MASTL: variants seen among roughly 807,000 people sequenced by gnomAD.
MASTL encodes microtubule associated serine/threonine kinase like.
MASTL carries 54 observed loss-of-function variants against 82.5 expected under a neutral mutation model. The ratio of observed to expected loss-of-function variants is 0.65; its 90% confidence interval spans 0.53 to 0.82. The LOEUF is 0.82. Ranked by LOEUF, MASTL falls within the 40% of genes least tolerant of loss-of-function variation. The probability of loss-of-function intolerance (pLI) is 0.00; values close to 1 mark genes in which losing one functional copy is unlikely to be tolerated. For missense variants in MASTL, 950 were observed against 1,047.8 expected (o/e 0.91, Z 1.29); for synonymous variants, 323 against 368.9 (o/e 0.88, Z 1.43).
chr10:27,158,906 A>G (rs1048910619), intron 2 of MASTL, among the ~76,000 whole-genome samples: 1 of 152,242 alleles, frequency 6.6e-6, no homozygotes, highest in Non-Finnish European at 1.5e-5. Flanking sequence ...GTATATGTAC[A>G]TAGAGAGACA....
rs2057574795 is a variant in MASTL at position 27,161,555 on chromosome 10, A to G, written c.553+373A>G. On this transcript the variant is annotated intron_variant, in intron 4 of 11. Transcript: ENST00000375940. Reference sequence around the variant, plus strand: ...AAAATAAATATAAAAAATTAAAAAAAATGAAAAGTCTAACAAATTATAGAG... The same window carrying G: ...AAAATAAATATAAAAAATTAAAAAAGATGAAAAGTCTAACAAATTATAGAG... Among the ~76,000 whole-genome samples the G allele has an allele frequency of 2.0e-5, 3 of 152,190 alleles. No individual in the cohort carries two copies. In the South Asian group the frequency reaches 6.2e-4, roughly 32 times the overall value.
At chr10:27,183,787 G>A (rs929158789) in intron 11 of MASTL, among the ~76,000 whole-genome samples, 8 of 151,744 alleles carry the variant, frequency 5.3e-5, no homozygotes, top group East Asian at 1.9e-4. Context: ...GCACAATCTC[G>A]GCTCACTGCA....
chr10:27,162,694 CT>C (rs1345429213), intron 4 of MASTL, among the ~76,000 whole-genome samples: 3 of 151,932 alleles, frequency 2.0e-5, no homozygotes, highest in African/African-American at 2.4e-5. Flanking sequence ...ATATTGTATT[CT>C]CTATTAGAAA....
chr10:27,186,889 C>A lies in MASTL; in HGVS notation c.*353C>A. 3.7e-6 allele frequency: 1 copy of A among 273,028 alleles called. No homozygotes were observed. Among genetic ancestry groups the A allele is most frequent in the South Asian group, 4.3e-5 (1 of 23,522 alleles). The allele number at this position is 273,028 out of a possible 1,614,324, so 16.9% of individuals were successfully genotyped here. A position where few individuals can be genotyped will look rare whatever the true frequency, so the allele number is the denominator to read the frequency against. The stretch of plus-strand genomic sequence containing the variant: ...GATTTCAGTTCACTGTTCAGTTTAG[C>A]ATTAAAATAATAAAATAATCATACA... On this transcript the variant is annotated 3_prime_UTR_variant, in exon 12 of 12. Coordinates refer to ENST00000375940, the MANE Select transcript of MASTL (RefSeq NM_001172303.3).
chr10:27,170,568 G>C lies in MASTL; in HGVS notation c.1609G>C (p.Asp537His), dbSNP rs1399083800. The change falls in exon 8 of 12, where the codon GAT becomes CAT. Residue 537 changes from aspartate to histidine, a missense_variant. Physicochemically the swap from Asp to His is moderately conservative, Grantham distance 81 (BLOSUM62 -1). Coordinates refer to ENST00000375940, the MANE Select transcript of MASTL (RefSeq NM_001172303.3). Reference protein sequence around the residue: ...MIAKNLMCELDEDCEKNSKRD... With the variant: ...MIAKNLMCELHEDCEKNSKRD... ...AGCAAAAAACCTTATGTGTGAACTCGATGAAGACTGTGAAAAGAATAGTAA... is the reference window on the plus strand; with the variant it reads ...AGCAAAAAACCTTATGTGTGAACTCCATGAAGACTGTGAAAAGAATAGTAA... The C allele has an allele frequency of 3.7e-6, 6 of 1,613,130 alleles. No individual in the cohort carries two copies. Among genetic ancestry groups the C allele is most frequent in the Admixed American group, 1.7e-5 (1 of 59,830 alleles).
chr10:27,156,819 C>G (rs983809406), intron 1 of MASTL, among the ~76,000 whole-genome samples: 1 of 144,724 alleles, frequency 6.9e-6, no homozygotes, highest in Non-Finnish European at 1.5e-5. Context: ...CGCGCCCTGC[C>G]CTGCTATGAA....
At chr10:27,173,008 T>C in intron 8 of MASTL, 110 bp from the exon 9 acceptor site, 1 of 1,273,258 alleles carries the variant, frequency 7.9e-7, no homozygotes, top group Non-Finnish European at 1.1e-6. Context: ...CTACATCCTT[T>C]ACGCCTAGTA....
intron 3 of MASTL, among the ~76,000 whole-genome samples, chr10:27,160,667 C>T (rs911306134): frequency 3.3e-5 from 5 of 151,692 alleles, no homozygotes; most frequent in African/African-American, 9.7e-5. Context: ...AGGAGAACTG[C>T]TTGAACCCGG....
At chr10:27,155,249 T>A (rs1588629257), upstream of MASTL, 1 of 649,008 alleles carries the variant, frequency 1.5e-6, no homozygotes, top group Non-Finnish European at 2.6e-6. Flanking sequence ...AAGTCGGGGC[T>A]TTCCCGACGC....
intron 6 of MASTL, among the ~76,000 whole-genome samples, chr10:27,165,882 C>CA (rs1399515386): frequency 6.6e-6 from 1 of 151,556 alleles, no homozygotes; most frequent in African/African-American, 2.4e-5. Flanking sequence ...GCCTTGGTGA[C>CA]AGAGTGAGAC....
At chr10:27,161,755 C>G (rs7069942) in intron 4 of MASTL, among the ~76,000 whole-genome samples, 91,614 of 151,876 alleles carry the variant, frequency 0.6, 27,933 homozygotes, top group Non-Finnish European at 0.65. Context: ...TTGATCTTCA[C>G]AGAGGAACTC....
chr10:27,154,624 C>G (rs1255591705), upstream of MASTL: 1 of 280,734 alleles, frequency 3.6e-6, no homozygotes, highest in Admixed American at 5.2e-5. Context: ...GGCTGGCGTA[C>G]AGTGGCGCGA....
chr10:27,187,938 A>G lies in MASTL; in HGVS notation c.*1402A>G, dbSNP rs900453473. On this transcript the variant is annotated 3_prime_UTR_variant, in exon 12 of 12. Transcript: ENST00000375940. The stretch of plus-strand genomic sequence containing the variant: ...CATAATTTTCTTTTGCTTAATAAAT[A>G]TAACTATCACAAGTACATTATCTGT... 1.3e-5 allele frequency among the ~76,000 whole-genome samples: 2 copies of G among 152,212 alleles called. No individual in the cohort carries two copies. Among genetic ancestry groups the G allele is most frequent in the Admixed American group, 6.5e-5 (1 of 15,282 alleles).
chr10:27,166,974 ATAT>A, intron 6 of MASTL, 125 bp from the exon 7 acceptor site: 1 of 114,704 alleles, frequency 8.7e-6, no homozygotes, highest in Non-Finnish European at 1.9e-5. Flanking sequence ...AATAGTTCTG[ATAT>A]GTAATTCTTA....
At position 27,158,702 on chromosome 10, in the gene MASTL, T is replaced by C; in HGVS notation, c.324+16T>C. 6.2e-7 allele frequency: 1 copy of C among 1,612,572 alleles called. No individual in the cohort carries two copies. On this transcript the variant is annotated intron_variant, in intron 2 of 11. Transcript: ENST00000375940. The stretch of plus-strand genomic sequence containing the variant: ...TGTCTACTTGGTGAGTAAATAATTT[T>C]TATGTTGTTTCTTTATCCATTAAGC...
chr10:27,174,461 T>G (rs1274898803), intron 9 of MASTL, among the ~76,000 whole-genome samples: 1 of 152,202 alleles, frequency 6.6e-6, no homozygotes, highest in Non-Finnish European at 1.5e-5. Context: ...TGAACTGTAT[T>G]CATCTTCCTA....
intron 1 of MASTL, among the ~76,000 whole-genome samples, chr10:27,157,854 T>C (rs867901642): frequency 5.1e-4 from 78 of 151,744 alleles, no homozygotes; most frequent in African/African-American, 1.8e-3. Context: ...TCCCCATCTA[T>C]CAAAAAATCA....
chr10:27,165,213 G>A, intron 5 of MASTL, 43 bp downstream of exon 5: 1 of 1,427,958 alleles, frequency 7.0e-7, no homozygotes, highest in Non-Finnish European at 9.9e-7. Flanking sequence ...ACCCCTTCAT[G>A]ATCACCACTT....
intron 9 of MASTL, among the ~76,000 whole-genome samples, chr10:27,179,741 C>T (rs1324587540): frequency 6.6e-6 from 1 of 152,072 alleles, no homozygotes; most frequent in Non-Finnish European, 1.5e-5. Flanking sequence ...GGAATAAAGC[C>T]ACATTAAAAT....
Sources: gnomAD v4.1 joint callset for allele counts (sites outside exome capture counted in the v4.1 genomes callset) on GRCh38, gnomAD v4.1.1 for gene constraint, MANE v1.5 for transcripts, NCBI Gene and HGNC (gene_info 2026-07-23, HGNC 2026-07-21) for gene names.